Variants in LGR6 observed in about 807,000 individuals in gnomAD.
LGR6 encodes the protein leucine-rich repeat-containing G protein-coupled receptor 6.
In LGR6, 45 loss-of-function variants were observed where a neutral mutation model predicts 69.4. That is an observed-to-expected ratio of 0.65 (90% CI 0.51 to 0.83). The LOEUF (loss-of-function observed/expected upper bound fraction) is 0.83. LGR6 is among the 40% of genes least tolerant of loss of function. The pLI, the probability that LGR6 is intolerant of heterozygous loss-of-function variation, is 0.00. For synonymous variants in LGR6, 538 were observed against 555.0 expected (o/e 0.97, Z 0.43); for missense variants, 1,108 against 1,246.7 (o/e 0.89, Z 1.68).
In LGR6 at chr1:202,289,562, G is replaced by A. The variant is rs1241426679; in HGVS notation, c.717-7946G>A. Among the ~76,000 whole-genome samples, 5 of 152,200 alleles carry A rather than the reference G, an allele frequency of 3.3e-5. No homozygotes were observed. The South Asian group carries it at 8.3e-4, about 25-fold the overall frequency. On this transcript the variant is annotated intron_variant, in intron 6 of 17. Transcript: ENST00000367278. ...AGAGAACGTAGGTGGAAGGAGGGAG[G>A]TTGTATCTGTGTCTCTCAATGGAAG...
intron 4 of LGR6, among the ~76,000 whole-genome samples, chr1:202,261,129 A>G (rs1390586408): frequency 7.9e-5 from 12 of 151,928 alleles, no homozygotes; most frequent in Admixed American, 6.6e-4. Flanking sequence ...CATGTGCACA[A>G]TGTGCAGCTT....
Position 202,276,664 on chromosome 1 carries a change from A to G in LGR6, c.644+143A>G, listed in dbSNP as rs566435784. On this transcript the variant is annotated intron_variant, in intron 5 of 17. Transcript: ENST00000367278. The stretch of plus-strand genomic sequence containing the variant: ...CCTTCTGGCCTCCCTTTGGAAAAGC[A>G]TGAGGATGACCATTCCCTGTTGATC... 26 of 676,144 alleles carry G rather than the reference A, an allele frequency of 3.8e-5. No homozygotes were observed. The South Asian group carries it at 4.7e-4, about 12-fold the overall frequency. 41.9% of individuals were successfully genotyped at this position (676,144 alleles called of 1,614,324 possible).
At chr1:202,301,978 C>T (rs1272597032) in intron 9 of LGR6, among the ~76,000 whole-genome samples, 3 of 152,078 alleles carry the variant, frequency 2.0e-5, no homozygotes, top group Admixed American at 2.0e-4. Flanking sequence ...GAGATCGCGC[C>T]ATTGCACTCC....
At chr1:202,308,189 G>T (rs765171210) in intron 14 of LGR6, among the ~76,000 whole-genome samples, 4 of 152,192 alleles carry the variant, frequency 2.6e-5, no homozygotes, top group Non-Finnish European at 5.9e-5. Flanking sequence ...AAAGCCAAGG[G>T]CCAGGACTCC....
intron 4 of LGR6, among the ~76,000 whole-genome samples, chr1:202,264,982 G>C (rs1053004518): frequency 2.6e-5 from 4 of 152,108 alleles, no homozygotes; most frequent in Non-Finnish European, 4.4e-5. Context: ...TCCCACCTTT[G>C]ATCTATTGAG....
At chr1:202,275,464 G>A (rs964084342) in intron 4 of LGR6, among the ~76,000 whole-genome samples, 2 of 152,114 alleles carry the variant, frequency 1.3e-5, no homozygotes, top group African/African-American at 4.8e-5. Context: ...GATCTTCTAG[G>A]GCTCCCATAA....
Position 202,235,891 on chromosome 1 carries a change from C to G in LGR6, c.357-31C>G, listed in dbSNP as rs200239603. On this transcript the variant is annotated intron_variant, in intron 3 of 17. Coordinates refer to ENST00000367278, the MANE Select transcript of LGR6 (RefSeq NM_001017403.2). Reference sequence around the variant, plus strand: ...TCCAGCCAGCTCTGCATACCATGTGCGTCCTTAAAGCCCTTTCTCTTCTCC... The same window carrying G: ...TCCAGCCAGCTCTGCATACCATGTGGGTCCTTAAAGCCCTTTCTCTTCTCC... 22 of 1,604,142 alleles carry G rather than the reference C, an allele frequency of 1.4e-5. 1 individual carries two copies. In the South Asian group the frequency reaches 2.4e-4, roughly 18 times the overall value.
At chr1:202,207,177 A>G (rs1659282054) in intron 1 of LGR6, among the ~76,000 whole-genome samples, 1 of 152,078 alleles carries the variant, frequency 6.6e-6, no homozygotes, top group Non-Finnish European at 1.5e-5. Context: ...TTGACCTCCC[A>G]AAGTGCTGGG....
intron 5 of LGR6, 125 bp from the exon 6 acceptor site, chr1:202,280,656 T>A: frequency 1.2e-6 from 1 of 858,996 alleles, no homozygotes; most frequent in Non-Finnish European, 2.0e-6. Context: ...AACAAACGGA[T>A]GGACCATTAG....
At chr1:202,203,856 T>A (rs1456713916) in intron 1 of LGR6, 1 of 1,613,628 alleles carries the variant, frequency 6.2e-7, no homozygotes, top group Admixed American at 1.7e-5. Flanking sequence ...TTGTCAAGTG[T>A]CAATAATCAT....
At chr1:202,244,797 G>A (rs1024592388) in intron 4 of LGR6, among the ~76,000 whole-genome samples, 5 of 152,186 alleles carry the variant, frequency 3.3e-5, no homozygotes, top group Admixed American at 2.6e-4. Flanking sequence ...GGGAAAGTGG[G>A]CCTGGACCCT....
intron 1 of LGR6, chr1:202,194,456 G>A (rs1169794467): frequency 3.3e-6 from 2 of 614,696 alleles, no homozygotes; most frequent in South Asian, 1.8e-5. Flanking sequence ...GCTGACTATG[G>A]GAGCCCAGGC....
intron 1 of LGR6, among the ~76,000 whole-genome samples, chr1:202,222,666 C>G (rs1660247764): frequency 6.6e-6 from 1 of 152,198 alleles, no homozygotes; most frequent in Non-Finnish European, 1.5e-5. Flanking sequence ...TCCGATCTGG[C>G]CCAGCTTCTG....
Position 202,318,541 on chromosome 1 carries a change from C to T in LGR6, c.2238C>T (p.Val746=), listed in dbSNP as rs764130284. ...LVMMNSFCFL[V]VAGAYIKLYC... ...TGATGAACTCCTTCTGTTTCCTGGTCGTGGCCGGTGCCTACATCAAACTGT... is the reference window on the plus strand; with the variant it reads ...TGATGAACTCCTTCTGTTTCCTGGTTGTGGCCGGTGCCTACATCAAACTGT... Residue 746 remains valine, a synonymous_variant, in exon 18 of 18, where the codon GTC becomes GTT. Coordinates refer to ENST00000367278, the MANE Select transcript of LGR6 (RefSeq NM_001017403.2). The T allele has an allele frequency of 2.2e-5, 36 of 1,613,954 alleles. No homozygotes were observed. Among genetic ancestry groups the T allele is most frequent in the South Asian group, 2.2e-5 (2 of 91,074 alleles).
At chr1:202,198,420 T>C (rs184938602) in intron 1 of LGR6, among the ~76,000 whole-genome samples, 193 of 152,344 alleles carry the variant, frequency 1.3e-3, no homozygotes, top group African/African-American at 4.3e-3. Flanking sequence ...TTTGGCATAA[T>C]GTCTGGTCCA....
chr1:202,231,304 C>T (rs1661043417), intron 3 of LGR6, among the ~76,000 whole-genome samples: 1 of 152,176 alleles, frequency 6.6e-6, no homozygotes, highest in Non-Finnish European at 1.5e-5. Flanking sequence ...TGTCGATGAA[C>T]TGAATTGAAC....
At chr1:202,293,227 T>G (rs944706388) in intron 6 of LGR6, among the ~76,000 whole-genome samples, 4 of 152,186 alleles carry the variant, frequency 2.6e-5, no homozygotes, top group African/African-American at 9.7e-5. Flanking sequence ...GTATTGCCCT[T>G]TGCTCCAACC....
In LGR6 at chr1:202,225,487, G is replaced by A; in HGVS notation, c.277G>A (p.Glu93Lys). Residue 93 changes from glutamate (E) to lysine (K), a missense_variant, in exon 2 of 18, where the codon GAG (glutamate) becomes AAG (lysine). By Grantham distance (56) the Glu-to-Lys change is moderately conservative. Coordinates refer to ENST00000367278, the MANE Select transcript of LGR6 (RefSeq NM_001017403.2). ...CCTCTTCCACCACCTGCGCTTCTTG[G>A]AGGAGCTGTGAGTAGATGCTTTGCA... ...PGLFHHLRFL[E>K]ELRLSGNHLS... is the part of the protein sequence containing the mutation. The A allele has an allele frequency of 1.2e-6, 2 of 1,613,760 alleles. No homozygotes were observed. Among genetic ancestry groups the A allele is most frequent in the African/African-American group, 2.7e-5 (2 of 75,034 alleles).
rs1425900412 is a variant in LGR6, at chr1:202,319,099, G to T, written c.2796G>T (p.Met932Ile). 2 of 1,614,248 alleles carry T rather than the reference G, an allele frequency of 1.2e-6. No individual in the cohort carries two copies. Among genetic ancestry groups the T allele is most frequent in the East Asian group, 4.5e-5 (2 of 44,888 alleles). Reference sequence around the variant, plus strand: ...ACTTTGGGAACCCCCAACCCTCCATGGATGGAGAACTGCTGCTGAGGGCAG... The same window carrying T: ...ACTTTGGGAACCCCCAACCCTCCATTGATGGAGAACTGCTGCTGAGGGCAG... ...GNHFGNPQPS[M>I]DGELLLRAEG... Residue 932 changes from methionine (M) to isoleucine (I), a missense_variant, in exon 18 of 18, where the codon ATG becomes ATT. Coordinates refer to ENST00000367278, the MANE Select transcript of LGR6 (RefSeq NM_001017403.2).
Sources: gnomAD v4.1 joint callset for allele counts (sites outside exome capture counted in the v4.1 genomes callset) on GRCh38, gnomAD v4.1.1 for gene constraint, MANE v1.5 for transcripts, NCBI Gene and HGNC (gene_info 2026-07-23, HGNC 2026-07-21) for gene names.